Variants in UCKL1 observed in about 807,000 individuals in gnomAD.
UCKL1 encodes uridine-cytidine kinase-like 1.
Under a neutral mutation model 59.2 loss-of-function variants are expected in UCKL1, and 65 were observed. The observed-to-expected ratio is 1.10, with a 90% confidence interval of 0.90 to 1.35. The LOEUF is 1.35. Ranked by LOEUF, UCKL1 falls within the 40% of genes most tolerant of loss-of-function variation. UCKL1 has a pLI of 0.00. For synonymous variants in UCKL1, 410 were observed against 323.1 expected (o/e 1.27, Z -2.88); for missense variants, 703 against 784.3 (o/e 0.90, Z 1.24).
chr20:63,944,316 C>T (rs1299265679), intron 7 of UCKL1, 81 bp downstream of exon 7: 11 of 1,360,656 alleles, frequency 8.1e-6, no homozygotes, highest in Non-Finnish European at 1.1e-5. Context: ...ATGAGGTGAC[C>T]AGGCCACTGG....
intron 7 of UCKL1, 48 bp from the exon 8 acceptor site, chr20:63,943,717 G>T: frequency 1.2e-6 from 2 of 1,611,544 alleles, no homozygotes; most frequent in South Asian, 2.2e-5. Flanking sequence ...GCGCGTCAGT[G>T]ACCAGGGCAG....
At chr20:63,943,818 T>A in intron 7 of UCKL1, 149 bp from the exon 8 acceptor site, 1 of 1,132,302 alleles carries the variant, frequency 8.8e-7, no homozygotes, top group Non-Finnish European at 1.3e-6. Flanking sequence ...CTAATGCCTG[T>A]AACCTGGGGA....
intron 1 of UCKL1, among the ~76,000 whole-genome samples, chr20:63,947,644 T>C (rs2056607138): frequency 6.6e-6 from 1 of 152,224 alleles, no homozygotes; most frequent in African/African-American, 2.4e-5. Context: ...GGGAGCCTTA[T>C]TGGAACCCCA....
At position 63,941,168 on chromosome 20, in the gene UCKL1, G is replaced by A. The variant is rs1444375251; in HGVS notation, c.964C>T (p.Arg322Trp). The change falls in exon 9 of 15, where the codon CGG (arginine) becomes TGG (tryptophan). Residue 322 changes from arginine (R) to tryptophan (W), a missense_variant. Physicochemically the swap from Arg to Trp is moderately radical, Grantham distance 101. Transcript: ENST00000354216. ...ASAHQCHPLPRTLSVLKSTPQ... is the reference protein window; with the variant it reads ...ASAHQCHPLPWTLSVLKSTPQ... ...GTGCTCTTCAGGACGCTCAGCGTCC[G>A]GGGCAGCGGGTGGCACTGGTGTGCC... is the stretch of plus-strand genomic sequence containing the variant. The A allele has an allele frequency of 6.3e-7, 1 of 1,575,132 alleles. No homozygotes were observed. Among genetic ancestry groups the A allele is most frequent in the Non-Finnish European group, 8.6e-7 (1 of 1,166,374 alleles).
At chr20:63,946,698 C>G (rs2056322506) in intron 1 of UCKL1, 55 bp from the exon 2 acceptor site, 3 of 1,556,412 alleles carry the variant, frequency 1.9e-6, no homozygotes, top group African/African-American at 1.4e-5. Flanking sequence ...TCCCAGGTAC[C>G]CGCTGGCATG....
chr20:63,940,563 C>T (rs757679414), intron 12 of UCKL1, 31 bp downstream of exon 12: 2 of 1,604,878 alleles, frequency 1.2e-6, no homozygotes, highest in Non-Finnish European at 1.7e-6. Flanking sequence ...CCCCTACCCC[C>T]GGGCTCATCA....
At chr20:63,944,049 G>A (rs912595890) in intron 7 of UCKL1, among the ~76,000 whole-genome samples, 2 of 152,226 alleles carry the variant, frequency 1.3e-5, no homozygotes, top group African/African-American at 2.4e-5. Flanking sequence ...CTGGCCTGGC[G>A]TGGGACTCAG....
chr20:63,940,089 G>C (rs2053955912), intron 14 of UCKL1, 34 bp from the exon 15 acceptor site: 2 of 1,611,350 alleles, frequency 1.2e-6, no homozygotes, highest in Non-Finnish European at 1.7e-6. Context: ...CAGTGTGGTG[G>C]GGCCTCCCAG....
rs1307471845 is a variant in UCKL1, at chr20:63,940,399, C to T, written c.1389G>A (p.Met463Ile). The T allele has an allele frequency of 6.2e-7, 1 of 1,611,834 alleles. No individual in the cohort carries two copies. Among genetic ancestry groups the T allele is most frequent in the African/African-American group, 1.3e-5 (1 of 75,032 alleles). The change falls in exon 13 of 15, where the codon ATG becomes ATA. Residue 463 changes from methionine to isoleucine, a missense_variant. Physicochemically the swap from Met to Ile is conservative, Grantham distance 10. Transcript: ENST00000354216. Reference sequence around the variant, plus strand: ...TCACCAGGAGCACGCGCACTGCCATCATGGCCGCCGCGCCCGTGGACACGG... The same window carrying T: ...TCACCAGGAGCACGCGCACTGCCATTATGGCCGCCGCGCCCGTGGACACGG... ...DCTVSTGAAA[M>I]MAVRVLLDHD...
intron 1 of UCKL1, among the ~76,000 whole-genome samples, chr20:63,948,732 G>A (rs571744913): frequency 6.6e-6 from 1 of 151,064 alleles, no homozygotes; most frequent in Non-Finnish European, 1.5e-5. Context: ...AGAGGGAAGC[G>A]TGTGCACACA....
chr20:63,949,435 A>G (rs1460978352), intron 1 of UCKL1, among the ~76,000 whole-genome samples: 3 of 152,146 alleles, frequency 2.0e-5, no homozygotes, highest in Admixed American at 2.0e-4. Context: ...TCAAGAAGGA[A>G]GACGGGACCC....
intron 8 of UCKL1, among the ~76,000 whole-genome samples, chr20:63,943,058 C>T (rs531870537): frequency 6.6e-6 from 1 of 152,222 alleles, no homozygotes; most frequent in Non-Finnish European, 1.5e-5. Flanking sequence ...TGTGGCTGAC[C>T]CCCCTGCATG....
intron 8 of UCKL1, chr20:63,941,673 G>T (rs529541932): frequency 3.7e-5 from 8 of 218,262 alleles, no homozygotes; most frequent in Admixed American, 1.2e-4. Context: ...TCAAGAGAGG[G>T]GGGTGGGGGG....
chr20:63,953,260 T>G (rs947132606), intron 1 of UCKL1: 1 of 152,282 alleles, frequency 6.6e-6, no homozygotes, highest in Non-Finnish European at 1.5e-5. Context: ...ATGCCTGTAA[T>G]CCCAGCTACT....
chr20:63,944,272 C>T, intron 7 of UCKL1, 125 bp downstream of exon 7: 1 of 942,264 alleles, frequency 1.1e-6, no homozygotes, highest in Non-Finnish European at 1.6e-6. Flanking sequence ...ACACTCAGGG[C>T]TGGCACCTGG....
chr20:63,952,591 G>A (rs1227228128), intron 1 of UCKL1, among the ~76,000 whole-genome samples: 1 of 152,210 alleles, frequency 6.6e-6, no homozygotes, highest in Non-Finnish European at 1.5e-5. Flanking sequence ...CCTGAGCTGG[G>A]CCGGTCCAGA....
chr20:63,944,518 A>G, intron 6 of UCKL1, 27 bp downstream of exon 6: 1 of 1,597,694 alleles, frequency 6.3e-7, no homozygotes, highest in Non-Finnish European at 8.5e-7. Flanking sequence ...CCCGACACCC[A>G]CCCAACAGGC....
intron 3 of UCKL1, 80 bp from the exon 4 acceptor site, chr20:63,946,055 C>T (rs2056098457): frequency 1.2e-6 from 2 of 1,609,436 alleles, no homozygotes; most frequent in Non-Finnish European, 1.7e-6. Context: ...TCTAGGCCTC[C>T]CAGGAGCAGC....
rs1188854923 is a variant in UCKL1, at chr20:63,945,830, G to A, written c.557C>T (p.Thr186Ile). 1.2e-6 allele frequency: 2 copies of A among 1,613,486 alleles called. No individual in the cohort carries two copies. The highest frequency in any genetic ancestry group is 1.3e-5 in the African/African-American group (1 of 74,892). The change falls in exon 4 of 15, where the codon ACC (threonine) becomes ATC (isoleucine). Residue 186 changes from threonine (T) to isoleucine (I), a missense_variant. Physicochemically the swap from Thr to Ile is moderately conservative, Grantham distance 89. This residue lies in a region of UCKL1 where 398 missense variants were observed against 373.0 expected (regional missense o/e 1.07). Transcript: ENST00000354216. ...KSVKVPIYDF[T>I]THSRKKDWKT... is the part of the protein sequence containing the mutation. The stretch of plus-strand genomic sequence containing the variant: ...CCAGTCCTTCTTCCGGCTGTGCGTG[G>A]TGAAGTCATAAATGGGCACCTTGAC...
Sources: allele counts gnomAD v4.1 joint callset (sites outside exome capture counted in the v4.1 genomes callset), GRCh38; gene constraint gnomAD v4.1.1; regional missense constraint gnomAD v4.1.1; transcripts MANE v1.5; gene names NCBI Gene and HGNC (gene_info 2026-07-23, HGNC 2026-07-21).